The following KDM4C variants were observed in gnomAD, a reference collection of about 807,000 sequenced individuals.
The protein encoded by KDM4C is lysine-specific demethylase 4C.
Under a neutral mutation model 129.3 loss-of-function variants are expected in KDM4C, and 81 were observed. The observed-to-expected ratio is 0.63, with a 90% CI of 0.52 to 0.75. The LOEUF (loss-of-function observed/expected upper bound fraction) is 0.75, where lower values mean the gene tolerates loss of function less well. KDM4C is among the 30% of genes least tolerant of loss of function. The pLI, the probability that KDM4C is intolerant of heterozygous loss-of-function variation, is 0.00. For synonymous variants in KDM4C, 573 were observed against 456.1 expected (o/e 1.26, Z -3.26); for missense variants, 1,457 against 1,304.0 (o/e 1.12, Z -1.81).
intron 17 of KDM4C, among the ~76,000 whole-genome samples, chr9:7,049,767 C>G (rs1203716520): frequency 6.6e-6 from 1 of 152,044 alleles, no homozygotes; most frequent in Non-Finnish European, 1.5e-5. Flanking sequence ...GAGCATTTTT[C>G]ATTGAAAATA....
intron 3 of KDM4C, among the ~76,000 whole-genome samples, chr9:6,808,771 G>T (rs904113232): frequency 4.6e-5 from 7 of 151,302 alleles, no homozygotes; most frequent in Non-Finnish European, 7.4e-5. Context: ...GTTAAGTGTA[G>T]CTAGCCTACA....
intron 3 of KDM4C, among the ~76,000 whole-genome samples, chr9:6,813,009 C>T (rs954011032): frequency 6.6e-6 from 1 of 152,098 alleles, no homozygotes; most frequent in African/African-American, 2.4e-5. Context: ...AACCCCGTCT[C>T]TACTAAAAAT....
intron 3 of KDM4C, among the ~76,000 whole-genome samples, chr9:6,813,122 C>T (rs1324403982): frequency 1.3e-5 from 2 of 152,050 alleles, no homozygotes; most frequent in Non-Finnish European, 2.9e-5. Flanking sequence ...TTTCAGTGAG[C>T]CGAGATCGTG....
chr9:6,814,093 A>G (rs888279425), intron 3 of KDM4C, among the ~76,000 whole-genome samples: 1 of 152,130 alleles, frequency 6.6e-6, no homozygotes, highest in East Asian at 1.9e-4. Context: ...GTTTAGAAAA[A>G]TTATATGCTG....
intron 1 of KDM4C, among the ~76,000 whole-genome samples, chr9:6,725,166 C>A (rs1487576210): frequency 2.0e-5 from 3 of 152,056 alleles, no homozygotes; most frequent in Non-Finnish European, 4.4e-5. Context: ...TCCCCTTATC[C>A]TTGAGGGAGA....
At chr9:6,950,528 C>G (rs932817931) in intron 8 of KDM4C, among the ~76,000 whole-genome samples, 1 of 152,146 alleles carries the variant, frequency 6.6e-6, no homozygotes, top group South Asian at 2.1e-4. Context: ...TGGATCCCTA[C>G]TAAATTCAAA....
chr9:7,049,057 AC>A, intron 16 of KDM4C, 34 bp from the exon 17 acceptor site: 1 of 1,421,542 alleles, frequency 7.0e-7, no homozygotes, highest in Non-Finnish European at 9.9e-7. Context: ...AGTTTAGGGA[AC>A]TTTTGTTTAT....
intron 19 of KDM4C, among the ~76,000 whole-genome samples, chr9:7,139,343 C>A (rs1441564883): frequency 6.6e-6 from 1 of 152,102 alleles, no homozygotes; most frequent in Non-Finnish European, 1.5e-5. Flanking sequence ...CATTCTTTTC[C>A]CCTGAGTAAC....
At chr9:6,914,632 C>T (rs1459901252) in intron 8 of KDM4C, among the ~76,000 whole-genome samples, 1 of 152,184 alleles carries the variant, frequency 6.6e-6, no homozygotes, top group Admixed American at 6.5e-5. Context: ...ACTTAAACCC[C>T]AATACACTAG....
chr9:7,013,824 G>C lies in KDM4C; in HGVS notation c.2005G>C (p.Glu669Gln). The change falls in exon 14 of 22, where the codon GAG becomes CAG. Residue 669 changes from glutamate (E) to glutamine (Q), a missense_variant. Coordinates refer to ENST00000381309, the MANE Select transcript of KDM4C (RefSeq NM_015061.6). The part of the protein sequence containing the change: ...SSNEENDARW[E>Q]TKLDEVVTSE... ...CAATGAAGAAAATGATGCTAGATGGGAGACAAAATTAGATGAAGTCGTTAC... is the reference window on the plus strand; with the variant it reads ...CAATGAAGAAAATGATGCTAGATGGCAGACAAAATTAGATGAAGTCGTTAC... 1.2e-6 allele frequency: 2 copies of C among 1,613,976 alleles called. No individual in the cohort carries two copies. Among genetic ancestry groups the C allele is most frequent in the African/African-American group, 2.7e-5 (2 of 75,034 alleles).
At chr9:7,138,538 G>A (rs1297912949) in intron 19 of KDM4C, among the ~76,000 whole-genome samples, 1 of 152,198 alleles carries the variant, frequency 6.6e-6, no homozygotes, top group Non-Finnish European at 1.5e-5. Context: ...TTTTGGGCCA[G>A]GCACGGTGGC....
At chr9:7,087,616 G>C (rs1835285379) in intron 17 of KDM4C, among the ~76,000 whole-genome samples, 1 of 152,024 alleles carries the variant, frequency 6.6e-6, no homozygotes, top group Admixed American at 6.6e-5. Flanking sequence ...AAGAGTTTCA[G>C]GCATAAAATT....
chr9:6,924,623 G>A (rs1166543771), intron 8 of KDM4C: 5 of 384,056 alleles, frequency 1.3e-5, no homozygotes, highest in Non-Finnish European at 1.8e-5. Context: ...CGCCAATTCA[G>A]TCCCTTAATT....
intron 1 of KDM4C, among the ~76,000 whole-genome samples, chr9:6,787,567 C>G (rs893956413): frequency 2.6e-5 from 4 of 152,234 alleles, no homozygotes; most frequent in Non-Finnish European, 4.4e-5. Flanking sequence ...GACCAGAAAT[C>G]TTGATTCGTA....
In KDM4C at chr9:6,838,759, T is replaced by G. The variant is rs535825266; in HGVS notation, c.436-10748T>G. 2.3e-3 allele frequency among the ~76,000 whole-genome samples: 352 copies of G among 152,322 alleles called. 2 individuals carry two copies. The highest frequency in any genetic ancestry group is 3.4e-3 in the Non-Finnish European group (230 of 68,036). On this transcript the variant is annotated intron_variant, in intron 4 of 21. Transcript: ENST00000381309. ...TTAAAATAAAGATTTAAGGAGTACA[T>G]TTTTAGAAAGAAGCAGCAAAAAAGC...
intron 8 of KDM4C, among the ~76,000 whole-genome samples, chr9:6,951,875 G>C (rs894634594): frequency 6.6e-6 from 1 of 152,098 alleles, no homozygotes; most frequent in Non-Finnish European, 1.5e-5. Context: ...TAAATGACAC[G>C]TTATAAATAT....
intron 7 of KDM4C, among the ~76,000 whole-genome samples, chr9:6,892,805 A>C (rs962901037): frequency 1.3e-5 from 2 of 152,248 alleles, no homozygotes; most frequent in Admixed American, 1.3e-4. Flanking sequence ...GAACAAATTT[A>C]CTTGAATAAC....
At chr9:6,852,217 A>T (rs1020427336) in intron 5 of KDM4C, among the ~76,000 whole-genome samples, 8 of 152,190 alleles carry the variant, frequency 5.3e-5, no homozygotes, top group African/African-American at 1.9e-4. Context: ...AGCAATCCTT[A>T]TAATATATTT....
chr9:6,834,837 T>G (rs4742266), intron 4 of KDM4C: 119,132 of 1,379,624 alleles, frequency 0.086, 7,591 homozygotes, highest in African/African-American at 0.22. Flanking sequence ...GAGACCTTCA[T>G]CACCCCAGCC....
Sources: gnomAD v4.1 joint callset for allele counts (sites outside exome capture counted in the v4.1 genomes callset) on GRCh38, gnomAD v4.1.1 for gene constraint, MANE v1.5 for transcripts, NCBI Gene and HGNC (gene_info 2026-07-23, HGNC 2026-07-21) for gene names.